The following AUTS2 variants were observed in gnomAD, a reference collection of about 807,000 sequenced individuals.
The protein encoded by AUTS2 is activator of transcription and developmental regulator AUTS2.
Under a neutral mutation model 112.4 loss-of-function variants are expected in AUTS2, and 17 were observed. That is an observed-to-expected ratio of 0.15 (90% confidence interval 0.10 to 0.23). AUTS2 has a LOEUF of 0.23. Among genes scored for constraint, AUTS2 ranks in the 10% least tolerant of loss-of-function variants. The pLI is 1.00. For missense variants in AUTS2, 1,510 were observed against 1,701.6 expected (o/e 0.89, Z 1.98); for synonymous variants, 751 against 702.7 (o/e 1.07, Z -1.09).
At chr7:69,726,191 G>A (rs1023014589) in intron 1 of AUTS2, among the ~76,000 whole-genome samples, 10 of 152,148 alleles carry the variant, frequency 6.6e-5, no homozygotes, top group African/African-American at 2.2e-4. Context: ...TTTCCGGTTT[G>A]AATCAATTCC....
intron 6 of AUTS2, among the ~76,000 whole-genome samples, chr7:70,714,392 C>A (rs183385832): frequency 3.0e-4 from 45 of 152,298 alleles, no homozygotes; most frequent in Non-Finnish European, 5.9e-5. Context: ...TTTACGACTA[C>A]ATACTTTAGT....
rs34869843 is a variant in AUTS2 at position 70,418,075 on chromosome 7, C to CTGTGTGTGTG, written c.661-17649_661-17640dup. On this transcript the variant is annotated intron_variant, in intron 4 of 18. Transcript: ENST00000342771. ...TCACCCAGGCTTGGTGGCTAACTTT[C>CTGTGTGTGTG]TGTGTGTGTGTGTGTGTGTGTGTGT... 4.0e-3 allele frequency among the ~76,000 whole-genome samples: 544 copies of CTGTGTGTGTG among 136,462 alleles called. 3 individuals carry two copies. Among genetic ancestry groups the CTGTGTGTGTG allele is most frequent in the Middle Eastern group, 0.011 (3 of 264 alleles). 89.5% of individuals were successfully genotyped at this position (136,462 alleles called of 152,430 possible). A position where few individuals can be genotyped will look rare whatever the true frequency, so the allele number is the denominator to read the frequency against.
intron 6 of AUTS2, among the ~76,000 whole-genome samples, chr7:70,755,227 T>A (rs916571092): frequency 2.0e-5 from 3 of 151,902 alleles, no homozygotes; most frequent in African/African-American, 7.3e-5. Context: ...TGGGCTATGA[T>A]CACTCCAGCG....
chr7:70,503,156 C>T lies in AUTS2; in HGVS notation c.690+67375C>T, dbSNP rs201804598. Among the ~76,000 whole-genome samples the T allele has an allele frequency of 2.0e-5, 3 of 152,178 alleles. No individual in the cohort carries two copies. In the East Asian group the frequency reaches 5.8e-4, roughly 29 times the overall value. On this transcript the variant is annotated intron_variant, in intron 5 of 18. Coordinates refer to ENST00000342771, the MANE Select transcript of AUTS2 (RefSeq NM_015570.4). ...TGGGTGCAGCTAGTCGGTTATTTCA[C>T]TCAGACTCTTGATGATTCAACACAT... is the stretch of plus-strand genomic sequence containing the variant.
intron 4 of AUTS2, among the ~76,000 whole-genome samples, chr7:70,238,738 C>G (rs962318540): frequency 6.6e-6 from 1 of 152,024 alleles, no homozygotes; most frequent in African/African-American, 2.4e-5. Context: ...TTTTCCTCCT[C>G]TTCTTAGCTT....
chr7:70,223,947 C>T (rs561046435), intron 4 of AUTS2, among the ~76,000 whole-genome samples: 3 of 151,806 alleles, frequency 2.0e-5, no homozygotes, highest in African/African-American at 7.2e-5. Flanking sequence ...GTCCTCTTAC[C>T]TCAGCCTCCC....
chr7:70,485,530 C>T (rs1329025464), intron 5 of AUTS2, among the ~76,000 whole-genome samples: 3 of 152,112 alleles, frequency 2.0e-5, no homozygotes, highest in Non-Finnish European at 2.9e-5. Flanking sequence ...GTACACTGCT[C>T]AGGTGACGGC....
intron 2 of AUTS2, among the ~76,000 whole-genome samples, chr7:70,038,405 G>C (rs1264900201): frequency 6.6e-6 from 1 of 152,108 alleles, no homozygotes; most frequent in Non-Finnish European, 1.5e-5. Context: ...TTTCAAAACT[G>C]GATCTCTTGA....
chr7:70,665,443 C>CTATT lies in AUTS2; in HGVS notation c.691-33122_691-33119dup, dbSNP rs72463188. Reference sequence around the variant, plus strand: ...CATGACCAGCTGTTTATTTATTTATCTATTTATCTATTTATTTATTTATTT... The same window carrying CTATT: ...CATGACCAGCTGTTTATTTATTTATCTATTTATTTATCTATTTATTTATTTATTT... On this transcript the variant is annotated intron_variant, in intron 5 of 18. Coordinates refer to ENST00000342771, the MANE Select transcript of AUTS2 (RefSeq NM_015570.4). 6.3e-4 allele frequency among the ~76,000 whole-genome samples: 66 copies of CTATT among 104,722 alleles called. No homozygotes were observed. In the South Asian group the frequency reaches 6.9e-3, roughly 11 times the overall value. 68.7% of individuals were successfully genotyped at this position (104,722 alleles called of 152,430 possible).
intron 5 of AUTS2, among the ~76,000 whole-genome samples, chr7:70,509,243 C>G (rs1330094182): frequency 6.6e-6 from 1 of 152,196 alleles, no homozygotes; most frequent in East Asian, 1.9e-4. Context: ...ACCAAGGCAC[C>G]ATTCCTGCCC....
intron 1 of AUTS2, among the ~76,000 whole-genome samples, chr7:69,882,440 A>C (rs80165281): frequency 1.3e-5 from 2 of 152,216 alleles, no homozygotes; most frequent in South Asian, 4.1e-4. Context: ...AGGCAACACT[A>C]TAAGTCCTGG....
intron 2 of AUTS2, among the ~76,000 whole-genome samples, chr7:70,092,377 C>T (rs1025230398): frequency 3.3e-5 from 5 of 152,150 alleles, no homozygotes; most frequent in African/African-American, 1.2e-4. Context: ...ATTACTGCTT[C>T]ACATGAGCTG....
intron 5 of AUTS2, among the ~76,000 whole-genome samples, chr7:70,535,620 A>G (rs1317914194): frequency 4.6e-5 from 7 of 151,996 alleles, no homozygotes; most frequent in African/African-American, 1.5e-4. Context: ...TCACCAGGTT[A>G]GCCAGGCTGG....
intron 4 of AUTS2, among the ~76,000 whole-genome samples, chr7:70,225,307 TA>T (rs1408038230): frequency 6.6e-6 from 1 of 152,232 alleles, no homozygotes; most frequent in Non-Finnish European, 1.5e-5. Flanking sequence ...TTTTAAAAGT[TA>T]ATTTAGGAAA....
intron 5 of AUTS2, among the ~76,000 whole-genome samples, chr7:70,643,214 C>T (rs950087735): frequency 6.6e-6 from 1 of 152,174 alleles, no homozygotes; most frequent in Non-Finnish European, 1.5e-5. Context: ...CCCTTAGCTT[C>T]GGACCCATAT....
At chr7:70,298,991 A>G (rs1171824463) in intron 4 of AUTS2, among the ~76,000 whole-genome samples, 1 of 152,246 alleles carries the variant, frequency 6.6e-6, no homozygotes, top group Non-Finnish European at 1.5e-5. Context: ...GGCAGCAAAT[A>G]GAATTAAACC....
At chr7:70,648,348 T>A (rs910087200) in intron 5 of AUTS2, among the ~76,000 whole-genome samples, 1 of 152,138 alleles carries the variant, frequency 6.6e-6, no homozygotes, top group East Asian at 1.9e-4. Context: ...AGCTTTCTCA[T>A]CTGCAGCACG....
intron 4 of AUTS2, among the ~76,000 whole-genome samples, chr7:70,382,821 T>G (rs532579032): frequency 6.6e-6 from 1 of 152,310 alleles, no homozygotes; most frequent in Non-Finnish European, 1.5e-5. Context: ...ATTCTCTTCC[T>G]TTTTTATTAA....
intron 11 of AUTS2, 126 bp downstream of exon 11, chr7:70,771,770 G>C (rs1790362806): frequency 1.5e-6 from 1 of 656,678 alleles, no homozygotes; most frequent in Non-Finnish European, 2.4e-6. Context: ...AGTGACCACT[G>C]GGATTAGAGT....
Sources: gnomAD v4.1 joint callset for allele counts (sites outside exome capture counted in the v4.1 genomes callset) on GRCh38, gnomAD v4.1.1 for gene constraint, MANE v1.5 for transcripts, NCBI Gene and HGNC (gene_info 2026-07-23, HGNC 2026-07-21) for gene names.